MARCHF4: variants seen among roughly 807,000 people sequenced by gnomAD.
The protein encoded by MARCHF4 is membrane associated ring-CH-type finger 4, also known as E3 ubiquitin-protein ligase MARCHF4.
A neutral mutation model predicts 43.9 loss-of-function variants in MARCHF4; 14 were observed. That is an observed-to-expected ratio of 0.32 (90% CI 0.21 to 0.50). MARCHF4 has a LOEUF of 0.50. MARCHF4 is among the 20% of genes least tolerant of loss of function. The pLI is 0.98. For missense variants in MARCHF4, 468 were observed against 536.7 expected, an observed-to-expected ratio of 0.87 and a Z score of 1.27; for synonymous variants, 226 against 213.3, an observed-to-expected ratio of 1.06 and a Z score of -0.52.
At chr2:216,281,077 T>A (rs79377114) in intron 2 of MARCHF4, among the ~76,000 whole-genome samples, 1 of 148,538 alleles carries the variant, frequency 6.7e-6, no homozygotes, top group African/African-American at 2.5e-5. Flanking sequence ...TTTTTTTTTT[T>A]TTTTTTGAGA....
At chr2:216,263,635 A>T (rs1260119016) in intron 3 of MARCHF4, among the ~76,000 whole-genome samples, 4 of 152,158 alleles carry the variant, frequency 2.6e-5, no homozygotes, top group Non-Finnish European at 4.4e-5. Flanking sequence ...GCATGAAGGA[A>T]GAGAAGTAGT....
intron 1 of MARCHF4, among the ~76,000 whole-genome samples, chr2:216,362,260 T>C (rs10932657): frequency 0.53 from 80,097 of 152,066 alleles, 22,955 homozygotes; most frequent in East Asian, 0.79. Flanking sequence ...ATCCATACCC[T>C]CATTGCTTGG....
rs1384973107 is a variant in MARCHF4 at position 216,371,883 on chromosome 2, A to ACCCCG, written c.-1628_-1624dup. 2 of 85,396 alleles carry ACCCCG rather than the reference A, an allele frequency of 2.3e-5. No homozygotes were observed. Among genetic ancestry groups the ACCCCG allele is most frequent in the Admixed American group, 9.6e-5 (1 of 10,400 alleles). 5.3% of individuals were successfully genotyped at this position (85,396 alleles called of 1,614,324 possible). A position where few individuals can be genotyped will look rare whatever the true frequency, so the allele number is the denominator to read the frequency against. On this transcript the variant is annotated 5_prime_UTR_variant, in exon 1 of 4. Coordinates refer to ENST00000273067, the MANE Select transcript of MARCHF4 (RefSeq NM_020814.3). ...GCCTCGGCCCGCTCTCTGCCCCCCC[A>ACCCCG]CCCCGCCCCTTCCTCCTCTCCACCG...
intron 1 of MARCHF4, among the ~76,000 whole-genome samples, chr2:216,332,042 T>C (rs2105969893): frequency 6.6e-6 from 1 of 152,300 alleles, no homozygotes; most frequent in South Asian, 2.1e-4. Context: ...TTTGCATTAT[T>C]TGTAGTCAGT....
Position 216,277,662 on chromosome 2 carries a change from C to G in MARCHF4, c.865+10G>C, listed in dbSNP as rs773915857. 6.3e-7 allele frequency: 1 copy of G among 1,592,126 alleles called. No homozygotes were observed. Among genetic ancestry groups the G allele is most frequent in the African/African-American group, 1.3e-5 (1 of 74,658 alleles). Reference sequence around the variant, plus strand: ...CCCCACTTCCCATGGAGACAAACCCCCAGACCCACCTATGCACACCACGTC... The same window carrying G: ...CCCCACTTCCCATGGAGACAAACCCGCAGACCCACCTATGCACACCACGTC... On this transcript the variant is annotated intron_variant, in intron 3 of 3. Transcript: ENST00000273067.
intron 1 of MARCHF4, among the ~76,000 whole-genome samples, chr2:216,294,920 C>G (rs938932899): frequency 5.9e-5 from 9 of 152,226 alleles, no homozygotes; most frequent in Non-Finnish European, 1.2e-4. Context: ...CTTCCACTTG[C>G]TTGGTGAGGG....
chr2:216,296,123 G>A (rs1318916379), intron 1 of MARCHF4, among the ~76,000 whole-genome samples: 2 of 152,148 alleles, frequency 1.3e-5, no homozygotes, highest in African/African-American at 4.8e-5. Flanking sequence ...TCCAGCCTGG[G>A]CAACAGAGCA....
chr2:216,342,290 C>G (rs1322058029), intron 1 of MARCHF4, among the ~76,000 whole-genome samples: 7 of 152,130 alleles, frequency 4.6e-5, no homozygotes, highest in Non-Finnish European at 1.0e-4. Context: ...GTTATTCTCT[C>G]CACTTGAAAG....
chr2:216,332,867 C>A (rs779137806), intron 1 of MARCHF4, among the ~76,000 whole-genome samples: 1 of 152,134 alleles, frequency 6.6e-6, no homozygotes. Flanking sequence ...TACACGGATA[C>A]ACAATTACTT....
chr2:216,302,897 C>CAA lies in MARCHF4; in HGVS notation c.517-19170_517-19169dup, dbSNP rs201503998. Among the ~76,000 whole-genome samples the CAA allele has an allele frequency of 6.6e-4, 52 of 78,328 alleles. 4 individuals carry two copies. Among genetic ancestry groups the CAA allele is most frequent in the African/African-American group, 3.0e-3 (37 of 12,340 alleles). 51.4% of individuals were successfully genotyped at this position (78,328 alleles called of 152,430 possible). ...TGGGTGACAAGGTGAGACTCTGTAT[C>CAA]AAAAAAAAAAAAAAAAAAAAAAAAA... On this transcript the variant is annotated intron_variant, in intron 1 of 3. Transcript: ENST00000273067.
intron 3 of MARCHF4, among the ~76,000 whole-genome samples, chr2:216,261,798 C>T (rs1690747253): frequency 6.6e-6 from 1 of 152,090 alleles, no homozygotes; most frequent in Non-Finnish European, 1.5e-5. Context: ...AAGACAGAGC[C>T]CTGGACTTCA....
At position 216,293,757 on chromosome 2, in the gene MARCHF4, C is replaced by T. The variant is rs1271754921; in HGVS notation, c.517-10028G>A. On this transcript the variant is annotated intron_variant, in intron 1 of 3. Coordinates refer to ENST00000273067, the MANE Select transcript of MARCHF4 (RefSeq NM_020814.3). Reference sequence around the variant, plus strand: ...CTAACTGCCTCTAAATTTACTCAACCAGTACTAGAAAGAAGAACTTAGCCT... The same window carrying T: ...CTAACTGCCTCTAAATTTACTCAACTAGTACTAGAAAGAAGAACTTAGCCT... Among the ~76,000 whole-genome samples the T allele has an allele frequency of 1.5e-5, 2 of 135,386 alleles. 1 individual carries two copies. Among genetic ancestry groups the T allele is most frequent in the African/African-American group, 4.9e-5 (2 of 40,672 alleles). The allele number at this position is 135,386 out of a possible 152,430, so 88.8% of individuals were successfully genotyped here.
At chr2:216,270,936 G>A (rs1465566923) in intron 3 of MARCHF4, among the ~76,000 whole-genome samples, 1 of 152,118 alleles carries the variant, frequency 6.6e-6, no homozygotes, top group Non-Finnish European at 1.5e-5. Context: ...ATTTTCCAGC[G>A]AAGTCCTTCC....
intron 1 of MARCHF4, among the ~76,000 whole-genome samples, chr2:216,342,169 G>T (rs1406077334): frequency 1.3e-5 from 2 of 152,180 alleles, no homozygotes; most frequent in Non-Finnish European, 2.9e-5. Flanking sequence ...ATGTATCTTT[G>T]CCCATATGCC....
chr2:216,295,485 G>T (rs1035714030), intron 1 of MARCHF4, among the ~76,000 whole-genome samples: 1 of 152,156 alleles, frequency 6.6e-6, no homozygotes, highest in African/African-American at 2.4e-5. Flanking sequence ...GATTACAGGC[G>T]TGAGCCACTG....
intron 1 of MARCHF4, among the ~76,000 whole-genome samples, chr2:216,288,635 G>A (rs1691257341): frequency 6.6e-6 from 1 of 152,082 alleles, no homozygotes; most frequent in Non-Finnish European, 1.5e-5. Context: ...ATGCCAAACA[G>A]AAGAAGAGTG....
At position 216,354,960 on chromosome 2, in the gene MARCHF4, TTTCTTTCTTTCTTTCTTTC is replaced by T. The variant is rs1280704916; in HGVS notation, c.516+14766_516+14784del. 6.8e-5 allele frequency among the ~76,000 whole-genome samples: 10 copies of T among 145,992 alleles called. No individual in the cohort carries two copies. In the East Asian group the frequency reaches 8.2e-4, roughly 12 times the overall value. ...CTTTCTTTCTTTCTTTCTTTCTTTCTTTCTTTCTTTCTTTCTTTCTTTCTTTTTTGAGACAGAGTCTAAC... is the reference window on the plus strand; with the variant it reads ...CTTTCTTTCTTTCTTTCTTTCTTTCTTTTCTTTTTTGAGACAGAGTCTAAC... On this transcript the variant is annotated intron_variant, in intron 1 of 3. Transcript: ENST00000273067.
chr2:216,269,688 G>A (rs916059113), intron 3 of MARCHF4, among the ~76,000 whole-genome samples: 1 of 152,110 alleles, frequency 6.6e-6, no homozygotes, highest in Non-Finnish European at 1.5e-5. Flanking sequence ...ATTTGCCACA[G>A]TGCTCAAACC....
At chr2:216,325,738 G>T (rs1393166102) in intron 1 of MARCHF4, among the ~76,000 whole-genome samples, 1 of 150,442 alleles carries the variant, frequency 6.6e-6, no homozygotes, top group Non-Finnish European at 1.5e-5. Context: ...AAATGGTGCT[G>T]GGAAAACTGG....
Sources: allele counts gnomAD v4.1 joint callset (sites outside exome capture counted in the v4.1 genomes callset), GRCh38; gene constraint gnomAD v4.1.1; transcripts MANE v1.5; gene names NCBI Gene and HGNC (gene_info 2026-07-23, HGNC 2026-07-21).